Variants in ARB2A observed in about 807,000 individuals in gnomAD.
The protein encoded by ARB2A is cotranscriptional regulator ARB2A.
the ARB2A span, among the ~76,000 whole-genome samples, chr5:93,801,620 C>T: frequency 1.6e-4 from 25 of 152,220 alleles, no homozygotes; most frequent in African/African-American, 5.5e-4. Context: ...ACACCCACAT[C>T]ATTTATTTAA....
chr5:93,886,182 G>A, the ARB2A span, among the ~76,000 whole-genome samples: 4 of 151,632 alleles, frequency 2.6e-5, no homozygotes, highest in African/African-American at 7.3e-5. Context: ...ATGGAAAACA[G>A]GCAAATTCTA....
the ARB2A span, among the ~76,000 whole-genome samples, chr5:93,634,519 A>G: frequency 6.6e-6 from 1 of 152,178 alleles, no homozygotes; most frequent in Admixed American, 6.5e-5. Context: ...TCAGGTGGCC[A>G]TAGTCCATAG....
the ARB2A span, among the ~76,000 whole-genome samples, chr5:93,902,868 T>TGCAGATGTCACTCCACCATA: frequency 6.6e-6 from 1 of 152,106 alleles, no homozygotes; most frequent in African/African-American, 2.4e-5. Context: ...TGCCCAATCT[T>TGCAGATGTCACTCCACCATA]GCAGATGTCA....
the ARB2A span, among the ~76,000 whole-genome samples, chr5:93,722,585 T>C: frequency 6.6e-6 from 1 of 152,074 alleles, no homozygotes; most frequent in Admixed American, 6.6e-5. Context: ...AGGAACAACA[T>C]TACATATATT....
chr5:93,787,349 G>A, the ARB2A span, among the ~76,000 whole-genome samples: 4 of 151,990 alleles, frequency 2.6e-5, no homozygotes, highest in Non-Finnish European at 4.4e-5. Context: ...TTGATACCTC[G>A]GACATCAACA....
chr5:93,648,072 G>C, the ARB2A span, among the ~76,000 whole-genome samples: 1 of 150,380 alleles, frequency 6.6e-6, no homozygotes, highest in Non-Finnish European at 1.5e-5. Context: ...GAATCCAGGA[G>C]AAGCCTGTGG....
the ARB2A span, among the ~76,000 whole-genome samples, chr5:94,038,951 C>A: frequency 7.2e-5 from 11 of 152,220 alleles, no homozygotes; most frequent in Admixed American, 3.9e-4. Context: ...TTTCCACTAT[C>A]CTCTGTATAC....
At chr5:94,021,461 GA>G in the ARB2A span, among the ~76,000 whole-genome samples, 1 of 151,886 alleles carries the variant, frequency 6.6e-6, no homozygotes, top group African/African-American at 2.4e-5. Context: ...CTAACTGATG[GA>G]AAAAAAACTC....
the ARB2A span, among the ~76,000 whole-genome samples, chr5:93,703,858 C>G: frequency 6.6e-6 from 1 of 152,170 alleles, no homozygotes; most frequent in African/African-American, 2.4e-5. Context: ...CTGGAAGCCA[C>G]CTTCAGTTTC....
the ARB2A span, among the ~76,000 whole-genome samples, chr5:93,742,565 GT>G: frequency 6.6e-6 from 1 of 152,132 alleles, no homozygotes; most frequent in Non-Finnish European, 1.5e-5. Flanking sequence ...CAGTTTCAAT[GT>G]TTCCTAGGAG....
the ARB2A span, chr5:94,050,718 A>G: frequency 1.3e-6 from 2 of 1,570,764 alleles, no homozygotes; most frequent in Non-Finnish European, 8.6e-7. Context: ...TTAAAGTAGT[A>G]TATGTGACAT....
chr5:93,830,455 G>A, the ARB2A span, among the ~76,000 whole-genome samples: 4 of 150,714 alleles, frequency 2.7e-5, no homozygotes, highest in South Asian at 2.1e-4. Context: ...TAAGTTAGAG[G>A]TATTAACACA....
the ARB2A span, among the ~76,000 whole-genome samples, chr5:94,013,388 G>T: frequency 6.6e-6 from 1 of 151,992 alleles, no homozygotes; most frequent in African/African-American, 2.4e-5. Flanking sequence ...ATCTTGGCCA[G>T]GCTGGTCTTG....
At chr5:94,037,620 G>A in the ARB2A span, among the ~76,000 whole-genome samples, 1 of 152,018 alleles carries the variant, frequency 6.6e-6, no homozygotes, top group African/African-American at 2.4e-5. Flanking sequence ...ACAGAGGCTT[G>A]CAAATACCAC....
At chr5:93,795,848 C>T in the ARB2A span, among the ~76,000 whole-genome samples, 1 of 96,958 alleles carries the variant, frequency 1.0e-5, no homozygotes. Context: ...TATTGAAAAG[C>T]AAAAAAAAAA....
At chr5:94,026,891 G>A in the ARB2A span, among the ~76,000 whole-genome samples, 1 of 152,214 alleles carries the variant, frequency 6.6e-6, no homozygotes, top group Non-Finnish European at 1.5e-5. Flanking sequence ...TGCAGGTCTA[G>A]TGAAGAGCAG....
chr5:93,959,900 G>A, the ARB2A span, among the ~76,000 whole-genome samples: 10 of 152,066 alleles, frequency 6.6e-5, no homozygotes, highest in South Asian at 2.1e-4. Flanking sequence ...CAGCACTGGC[G>A]AGTGACTGGA....
At chr5:93,999,280 C>A in the ARB2A span, among the ~76,000 whole-genome samples, 5 of 151,620 alleles carry the variant, frequency 3.3e-5, no homozygotes, top group Non-Finnish European at 7.4e-5. Flanking sequence ...AGCAGCAAAA[C>A]CTTGGAGTAT....
At chr5:93,812,062 A>G in the ARB2A span, among the ~76,000 whole-genome samples, 1 of 152,204 alleles carries the variant, frequency 6.6e-6, no homozygotes, top group African/African-American at 2.4e-5. Flanking sequence ...CTGAGAATCT[A>G]CTGTGAGATC....
Sources: allele counts gnomAD v4.1 joint callset (sites outside exome capture counted in the v4.1 genomes callset), GRCh38; gene constraint gnomAD v4.1.1; transcripts MANE v1.5; gene names NCBI Gene and HGNC (gene_info 2026-07-23, HGNC 2026-07-21).